The following VPS53 variants were observed in gnomAD, a reference collection of about 807,000 sequenced individuals.
VPS53 encodes VPS53 subunit of GARP complex.
Under a neutral mutation model 107.0 loss-of-function variants are expected in VPS53, and 70 were observed. The ratio of observed to expected loss-of-function variants is 0.65; its 90% CI spans 0.54 to 0.80. The LOEUF is 0.80. VPS53 is among the 30% of genes least tolerant of loss of function. The pLI is 0.00. For missense variants in VPS53, 917 were observed against 1,049.4 expected (o/e 0.87, Z 1.74); for synonymous variants, 409 against 393.3 (o/e 1.04, Z -0.47).
chr17:605,793 C>A (rs1208171955), intron 11 of VPS53, among the ~76,000 whole-genome samples: 1 of 134,798 alleles, frequency 7.4e-6, no homozygotes, highest in Non-Finnish European at 1.6e-5. Flanking sequence ...GAGTCAGGGA[C>A]AGAAAGGAAG....
intron 16 of VPS53, 65 bp downstream of exon 16, chr17:553,315 G>A (rs561242777): frequency 8.6e-5 from 128 of 1,482,516 alleles, no homozygotes; most frequent in Admixed American, 2.0e-4. Context: ...GGGTACATAC[G>A]TGCTGCACGC....
chr17:693,841 G>A (rs916896509), intron 4 of VPS53, among the ~76,000 whole-genome samples: 1 of 152,162 alleles, frequency 6.6e-6, no homozygotes, highest in African/African-American at 2.4e-5. Flanking sequence ...ACTCCCTTCT[G>A]AGTGTTCTTC....
Position 714,663 on chromosome 17 carries a change from A to T in VPS53, c.47T>A (p.Val16Glu). 1 of 1,612,998 alleles carries T rather than the reference A, an allele frequency of 6.2e-7. No homozygotes were observed. Among genetic ancestry groups the T allele is most frequent in the Non-Finnish European group, 8.5e-7 (1 of 1,179,528 alleles). ...ELEFVEELEA[V>E]LQLTPEVQLA... ...CTGCACCTCGGGCGTGAGCTGCAGCACGGCTTCCAGCTCCTCCACGAACTC... is the reference window on the plus strand; with the variant it reads ...CTGCACCTCGGGCGTGAGCTGCAGCTCGGCTTCCAGCTCCTCCACGAACTC... The change falls in exon 1 of 22, where the codon GTG (valine) becomes GAG (glutamate). Residue 16 changes from valine to glutamate, a missense_variant. By Grantham distance (121) the Val-to-Glu change is moderately radical (BLOSUM62 -2). Transcript: ENST00000437048.
At chr17:662,431 T>C (rs1217585217) in intron 4 of VPS53, among the ~76,000 whole-genome samples, 1 of 152,210 alleles carries the variant, frequency 6.6e-6, no homozygotes, top group Non-Finnish European at 1.5e-5. Flanking sequence ...GGCTCACGCC[T>C]GTAATCCCAG....
chr17:566,162 C>G lies in VPS53; in HGVS notation c.1314-3417G>C, dbSNP rs1412273323. On this transcript the variant is annotated intron_variant, in intron 13 of 21. Coordinates refer to ENST00000437048, the MANE Select transcript of VPS53 (RefSeq NM_001128159.3). ...GAGCTTGCAGTGAGCCGAGATCCCG[C>G]CACTGCACTCCAGCCTGGGCGACAG... Among the ~76,000 whole-genome samples, 5 of 149,458 alleles carry G rather than the reference C, an allele frequency of 3.3e-5. No individual in the cohort carries two copies. In the East Asian group the frequency reaches 5.9e-4, roughly 18 times the overall value.
chr17:624,037 TA>T (rs1417858048), intron 10 of VPS53, among the ~76,000 whole-genome samples: 5 of 151,868 alleles, frequency 3.3e-5, no homozygotes, highest in African/African-American at 9.7e-5. Flanking sequence ...TTTGTATTTT[TA>T]GTAGAGATAG....
chr17:556,961 G>A (rs767708573), intron 15 of VPS53, among the ~76,000 whole-genome samples: 11 of 79,594 alleles, frequency 1.4e-4, no homozygotes, highest in African/African-American at 2.4e-4. Context: ...TACTGAAGCG[G>A]GGACCTGAGG....
rs112491759 is a variant in VPS53 at position 642,945 on chromosome 17, C to A, written c.608+10346G>T. On this transcript the variant is annotated intron_variant, in intron 7 of 21. Transcript: ENST00000437048. ...AACCGAGGACAACACTCATACTTGG[C>A]AACCGAGGACAACTCTCATACTTGG... is the stretch of plus-strand genomic sequence containing the variant. 6.9e-3 allele frequency among the ~76,000 whole-genome samples: 298 copies of A among 42,972 alleles called. 1 individual carries two copies. Among genetic ancestry groups the A allele is most frequent in the Middle Eastern group, 0.019 (1 of 52 alleles). The allele number at this position is 42,972 out of a possible 152,430, so 28.2% of individuals were successfully genotyped here. A position where few individuals can be genotyped will look rare whatever the true frequency, so the allele number is the denominator to read the frequency against.
At chr17:591,676 T>C (rs943384465) in intron 12 of VPS53, among the ~76,000 whole-genome samples, 12 of 152,218 alleles carry the variant, frequency 7.9e-5, no homozygotes, top group Non-Finnish European at 1.8e-4. Context: ...AGTTTCCATG[T>C]AGTTGAGCGG....
In VPS53 at chr17:562,680, T is replaced by C. The variant is rs755030332; in HGVS notation, c.1379A>G (p.Asn460Ser). The change falls in exon 14 of 22, where the codon AAC (asparagine) becomes AGC (serine). Residue 460 changes from asparagine (N) to serine (S), a missense_variant. Asn to Ser is a conservative substitution (Grantham distance 46). Coordinates refer to ENST00000437048, the MANE Select transcript of VPS53 (RefSeq NM_001128159.3). ...GAGCACGGCACCCCCTTCATCAGTG[T>C]TGGGCTTAGGTGGCCCCTGGGCTTT... Reference protein sequence around the residue: ...DFKAQGPPKPNTDEGGAVLPS... With the variant: ...DFKAQGPPKPSTDEGGAVLPS... 22 of 1,613,992 alleles carry C rather than the reference T, an allele frequency of 1.4e-5. No individual in the cohort carries two copies. In the East Asian group the frequency reaches 2.2e-4, roughly 16 times the overall value.
chr17:647,384 T>G (rs1181250496), intron 7 of VPS53, among the ~76,000 whole-genome samples: 2 of 152,242 alleles, frequency 1.3e-5, no homozygotes, highest in Non-Finnish European at 2.9e-5. Context: ...TTCTTATCTT[T>G]GTGCCTTCAG....
intron 13 of VPS53, among the ~76,000 whole-genome samples, chr17:572,500 C>G (rs1914254801): frequency 6.6e-6 from 1 of 150,528 alleles, no homozygotes; most frequent in South Asian, 2.1e-4. Context: ...AAGTGAGGAG[C>G]CCCTCTGCCC....
At chr17:639,567 T>C (rs779315316) in intron 7 of VPS53, among the ~76,000 whole-genome samples, 4 of 152,330 alleles carry the variant, frequency 2.6e-5, no homozygotes, top group African/African-American at 9.6e-5. Context: ...TGGTTTTTGA[T>C]GATGGTGACG....
intron 9 of VPS53, 35 bp from the exon 10 acceptor site, chr17:627,351 G>A (rs1001064972): frequency 1.9e-6 from 3 of 1,593,890 alleles, no homozygotes; most frequent in Middle Eastern, 3.4e-4. Context: ...CACCCCAGTG[G>A]TTAGAAGTAG....
At chr17:607,459 T>C (rs1968639323) in intron 11 of VPS53, among the ~76,000 whole-genome samples, 1 of 152,216 alleles carries the variant, frequency 6.6e-6, no homozygotes, top group Non-Finnish European at 1.5e-5. Context: ...GCTACATTAC[T>C]GCTCAGACTG....
At chr17:714,257 TTGCAAAACCGGGGCG>T (rs1428042198) in intron 1 of VPS53, 8 of 244,100 alleles carry the variant, frequency 3.3e-5, no homozygotes, top group Non-Finnish European at 6.3e-5. Context: ...AGGTGCCAGC[TTGCAAAACCGGGGCG>T]TTGGCACGAG....
chr17:562,910 C>T (rs1259004248), intron 13 of VPS53, among the ~76,000 whole-genome samples, 165 bp from the exon 14 acceptor site: 1 of 152,064 alleles, frequency 6.6e-6, no homozygotes, highest in Non-Finnish European at 1.5e-5. Context: ...TCACTACCAC[C>T]ACCACTCCTA....
chr17:588,235 T>C (rs750192710), intron 12 of VPS53, among the ~76,000 whole-genome samples: 3 of 152,152 alleles, frequency 2.0e-5, no homozygotes, highest in East Asian at 1.9e-4. Flanking sequence ...GAAAAATTGC[T>C]TGAACCCAGG....
chr17:624,308 G>T (rs1011932008), intron 10 of VPS53, among the ~76,000 whole-genome samples: 1 of 151,986 alleles, frequency 6.6e-6, no homozygotes, highest in African/African-American at 2.4e-5. Flanking sequence ...CTCTTCCTGA[G>T]GGCCCAATAA....
Sources: allele counts gnomAD v4.1 joint callset (sites outside exome capture counted in the v4.1 genomes callset), GRCh38; gene constraint gnomAD v4.1.1; transcripts MANE v1.5; gene names NCBI Gene and HGNC (gene_info 2026-07-23, HGNC 2026-07-21).